The following ITFG1 variants were observed in gnomAD, a reference collection of about 807,000 sequenced individuals.
ITFG1 encodes integrin alpha FG-GAP repeat containing 1.
A neutral mutation model predicts 81.8 loss-of-function variants in ITFG1; 34 were observed. The ratio of observed to expected loss-of-function variants is 0.42; its 90% CI spans 0.32 to 0.55. ITFG1 has a LOEUF of 0.55. Among genes scored for constraint, ITFG1 ranks in the 20% least tolerant of loss-of-function variants. ITFG1 has a pLI of 0.17. For synonymous variants in ITFG1, 285 were observed against 270.6 expected (o/e 1.05, Z -0.52); for missense variants, 672 against 755.4 (o/e 0.89, Z 1.29).
intron 12 of ITFG1, among the ~76,000 whole-genome samples, chr16:47,252,660 C>A (rs1223334097): frequency 1.3e-5 from 2 of 152,048 alleles, no homozygotes; most frequent in Non-Finnish European, 2.9e-5. Context: ...CTGTGCTGTG[C>A]GTAAGAGAAG....
chr16:47,281,674 T>C lies in ITFG1; in HGVS notation c.1071-20979A>G, dbSNP rs923854595. ...CAATTTATGCATGGAGGGTTGTTCA[T>C]TGCAACAACACTAATCCTTTAAGCA... On this transcript the variant is annotated intron_variant, in intron 10 of 17. Coordinates refer to ENST00000320640, the MANE Select transcript of ITFG1 (RefSeq NM_030790.5). Among the ~76,000 whole-genome samples, 4 of 152,168 alleles carry C rather than the reference T, an allele frequency of 2.6e-5. No homozygotes were observed. The East Asian group carries it at 5.8e-4, about 22-fold the overall frequency.
At chr16:47,304,179 G>A (rs1319417200) in intron 10 of ITFG1, among the ~76,000 whole-genome samples, 1 of 152,154 alleles carries the variant, frequency 6.6e-6, no homozygotes, top group African/African-American at 2.4e-5. Context: ...GTCGGTAGGA[G>A]GTTACCTAGC....
chr16:47,274,530 A>G (rs985153781), intron 10 of ITFG1, among the ~76,000 whole-genome samples: 1 of 152,144 alleles, frequency 6.6e-6, no homozygotes, highest in African/African-American at 2.4e-5. Context: ...AGTAAAAAAA[A>G]CTGAAAACTT....
At chr16:47,387,676 T>G (rs1968479381) in intron 6 of ITFG1, among the ~76,000 whole-genome samples, 1 of 152,210 alleles carries the variant, frequency 6.6e-6, no homozygotes, top group East Asian at 1.9e-4. Flanking sequence ...AGCCTCTTTA[T>G]GTGATTGATA....
chr16:47,325,131 G>A (rs1472823182), intron 8 of ITFG1, among the ~76,000 whole-genome samples: 1 of 152,128 alleles, frequency 6.6e-6, no homozygotes, highest in Admixed American at 6.5e-5. Flanking sequence ...ATAACAAACT[G>A]TCTCTCAGAC....
chr16:47,325,938 AAC>A (rs1372456835), intron 8 of ITFG1, among the ~76,000 whole-genome samples: 5 of 152,304 alleles, frequency 3.3e-5, no homozygotes, highest in Admixed American at 6.5e-5. Context: ...TACTCCAATC[AAC>A]ACAAAAAGAG....
intron 6 of ITFG1, among the ~76,000 whole-genome samples, chr16:47,419,486 G>A (rs961744038): frequency 2.0e-5 from 3 of 151,950 alleles, no homozygotes; most frequent in Non-Finnish European, 2.9e-5. Context: ...TGCCCAGGCT[G>A]GTCTTGAACT....
chr16:47,312,124 G>A (rs1390633901), intron 9 of ITFG1: 3 of 152,108 alleles, frequency 2.0e-5, no homozygotes, highest in African/African-American at 7.2e-5. Flanking sequence ...ATGAGCTTTG[G>A]GAATCCCTTT....
intron 6 of ITFG1, among the ~76,000 whole-genome samples, chr16:47,409,391 TATATATATATATA>T (rs1209135748): frequency 4.2e-4 from 7 of 16,496 alleles, no homozygotes; most frequent in East Asian, 2.8e-3. Flanking sequence ...TATATATATA[TATATATATATATA>T]TTTTTTTTTT....
chr16:47,290,497 G>C (rs1035803114), intron 10 of ITFG1, among the ~76,000 whole-genome samples: 73 of 152,236 alleles, frequency 4.8e-4, no homozygotes, highest in African/African-American at 1.7e-3. Context: ...CTCTGGTATT[G>C]AGTGTATTTA....
chr16:47,399,784 T>TTTCTATGGCC lies in ITFG1; in HGVS notation c.656-23845_656-23844insGGCCATAGAA, dbSNP rs147339602. On this transcript the variant is annotated intron_variant, in intron 6 of 17. Transcript: ENST00000320640. ...GAAGTCAGTTACCTTTTTCTAATAT[T>TTTCTATGGCC]TTCAGGGGTTGAAGGCCATATATAA... 9.8e-3 allele frequency among the ~76,000 whole-genome samples: 1,487 copies of TTTCTATGGCC among 152,316 alleles called. 15 individuals carry two copies. The highest frequency in any genetic ancestry group is 0.017 in the Middle Eastern group (5 of 294).
chr16:47,154,963 G>C lies in ITFG1; in HGVS notation c.*756C>G, dbSNP rs1014306861. ...AGTCTATGTATTTCTATAATTAGATGTATAAGTCTAATAAGATCATCTAAA... is the reference window on the plus strand; with the variant it reads ...AGTCTATGTATTTCTATAATTAGATCTATAAGTCTAATAAGATCATCTAAA... On this transcript the variant is annotated 3_prime_UTR_variant, in exon 18 of 18. Coordinates refer to ENST00000320640, the MANE Select transcript of ITFG1 (RefSeq NM_030790.5). 2.0e-5 allele frequency: 3 copies of C among 152,182 alleles called. No homozygotes were observed. The highest frequency in any genetic ancestry group is 7.2e-5 in the African/African-American group (3 of 41,428). 9.4% of individuals were successfully genotyped at this position (152,182 alleles called of 1,614,324 possible). A position where few individuals can be genotyped will look rare whatever the true frequency, so the allele number is the denominator to read the frequency against.
chr16:47,420,100 G>C (rs1029998530), intron 6 of ITFG1, among the ~76,000 whole-genome samples: 1 of 151,946 alleles, frequency 6.6e-6, no homozygotes, highest in Non-Finnish European at 1.5e-5. Context: ...TTGAGTAAAT[G>C]GTTGACCAAG....
At chr16:47,427,778 T>C (rs1640014229) in intron 6 of ITFG1, among the ~76,000 whole-genome samples, 1 of 152,224 alleles carries the variant, frequency 6.6e-6, no homozygotes, top group Non-Finnish European at 1.5e-5. Context: ...CCTGATTTGA[T>C]AAAAACATGT....
rs190807062 is a variant in ITFG1, at chr16:47,440,620, G to T, written c.560+10776C>A. Among the ~76,000 whole-genome samples, 3 of 152,214 alleles carry T rather than the reference G, an allele frequency of 2.0e-5. No individual in the cohort carries two copies. In the East Asian group the frequency reaches 5.8e-4, roughly 29 times the overall value. ...ATAACGAAATGAAAGCAGAAATAAA[G>T]ATGTTCTTCGAAACCAACGAGAACA... On this transcript the variant is annotated intron_variant, in intron 5 of 17. Transcript: ENST00000320640.
intron 10 of ITFG1, among the ~76,000 whole-genome samples, chr16:47,272,461 T>A (rs575219049): frequency 2.0e-5 from 3 of 152,004 alleles, no homozygotes; most frequent in Admixed American, 6.5e-5. Flanking sequence ...AGTAGTGTGA[T>A]CTCGGTTCAC....
At chr16:47,240,784 A>G (rs144058899) in intron 12 of ITFG1, among the ~76,000 whole-genome samples, 1 of 152,356 alleles carries the variant, frequency 6.6e-6, no homozygotes, top group East Asian at 1.9e-4. Flanking sequence ...GTTAGGATAA[A>G]TAAGCAGTCA....
At chr16:47,310,198 T>C (rs1349336566) in intron 10 of ITFG1, among the ~76,000 whole-genome samples, 1 of 152,212 alleles carries the variant, frequency 6.6e-6, no homozygotes, top group Non-Finnish European at 1.5e-5. Context: ...TTTCTATAAA[T>C]AGTTTAGGGA....
chr16:47,337,966 A>ATGTT (rs1422647708), intron 8 of ITFG1, among the ~76,000 whole-genome samples: 2 of 152,224 alleles, frequency 1.3e-5, no homozygotes, highest in Non-Finnish European at 2.9e-5. Flanking sequence ...TCTTGGTTTC[A>ATGTT]TGTTTGTTTG....
Sources: allele counts gnomAD v4.1 joint callset (sites outside exome capture counted in the v4.1 genomes callset), GRCh38; gene constraint gnomAD v4.1.1; transcripts MANE v1.5; gene names NCBI Gene and HGNC (gene_info 2026-07-23, HGNC 2026-07-21).